BRWD1: variants seen among roughly 807,000 people sequenced by gnomAD.
The protein encoded by BRWD1 is bromodomain and WD repeat-containing protein 1.
In BRWD1, 82 loss-of-function variants were observed where a neutral mutation model predicts 251.2. The observed-to-expected ratio is 0.33, with a 90% confidence interval of 0.27 to 0.39. BRWD1 has a LOEUF of 0.39. Among genes scored for constraint, BRWD1 ranks in the 10% least tolerant of loss-of-function variants. The pLI, the probability that BRWD1 is intolerant of heterozygous loss-of-function variation, is 1.00. For synonymous variants in BRWD1, 918 were observed against 902.8 expected (o/e 1.02, Z -0.30); for missense variants, 2,233 against 2,711.6 (o/e 0.82, Z 3.92).
At position 39,192,050 on chromosome 21, in the gene BRWD1, A is replaced by C; in HGVS notation, c.*4209T>G. ...TCCCCCTCCCTCCATCAAATCTAGA[A>C]AAGCAATTCTTGAGCAGACACCAAT... On this transcript the variant is annotated 3_prime_UTR_variant, in exon 41 of 41. Coordinates refer to ENST00000342449, the MANE Select transcript of BRWD1 (RefSeq NM_033656.4). 3.0e-6 allele frequency: 3 copies of C among 985,160 alleles called. No homozygotes were observed. Among genetic ancestry groups the C allele is most frequent in the Middle Eastern group, 1.0e-3 (2 of 1,912 alleles). 61.0% of individuals were successfully genotyped at this position (985,160 alleles called of 1,614,324 possible).
At chr21:39,265,672 C>T (rs1290946256) in intron 15 of BRWD1, among the ~76,000 whole-genome samples, 1 of 152,078 alleles carries the variant, frequency 6.6e-6, no homozygotes, top group African/African-American at 2.4e-5. Flanking sequence ...TAATAAGCTA[C>T]AAGATAAATG....
At chr21:39,296,072 T>C (rs1047917433) in intron 6 of BRWD1, among the ~76,000 whole-genome samples, 169 bp from the exon 7 acceptor site, 2 of 152,192 alleles carry the variant, frequency 1.3e-5, no homozygotes, top group Admixed American at 6.5e-5. Flanking sequence ...ATAGACTTCT[T>C]ACTATAAAAA....
At chr21:39,259,450 C>T (rs554893151) in intron 17 of BRWD1, among the ~76,000 whole-genome samples, 2 of 147,902 alleles carry the variant, frequency 1.4e-5, no homozygotes, top group East Asian at 3.9e-4. Flanking sequence ...ACCACCATGC[C>T]CGGCTAATTT....
At chr21:39,297,031 T>A in intron 5 of BRWD1, 1 of 985,240 alleles carries the variant, frequency 1.0e-6, no homozygotes. Context: ...TCACAGAAAA[T>A]CCTCTACTGA....
chr21:39,314,101 C>A (rs778445054), upstream of BRWD1: 2 of 455,928 alleles, frequency 4.4e-6, no homozygotes, highest in South Asian at 1.5e-5. Context: ...GACCGGTCGT[C>A]TGGGGCCAGT....
At chr21:39,308,246 C>G (rs2036352807) in intron 4 of BRWD1, among the ~76,000 whole-genome samples, 1 of 152,068 alleles carries the variant, frequency 6.6e-6, no homozygotes, top group South Asian at 2.1e-4. Context: ...CTTTGGGAGG[C>G]CAATGCAGGT....
upstream of BRWD1, chr21:39,313,815 G>C: frequency 2.8e-6 from 1 of 360,236 alleles, no homozygotes; most frequent in South Asian, 2.7e-5. Context: ...CGGAGGCAAA[G>C]ACCTGGGCGC....
intron 20 of BRWD1, among the ~76,000 whole-genome samples, chr21:39,248,911 C>G (rs1379214182): frequency 6.6e-6 from 1 of 152,042 alleles, no homozygotes; most frequent in Non-Finnish European, 1.5e-5. Context: ...CATATATACA[C>G]CTATGTTCAC....
Position 39,189,818 on chromosome 21 carries a change from T to C in BRWD1, c.*6441A>G. The C allele has an allele frequency of 1.0e-6, 1 of 985,328 alleles. No homozygotes were observed. The highest frequency in any genetic ancestry group is 1.2e-6 in the Non-Finnish European group (1 of 829,880). The allele number at this position is 985,328 out of a possible 1,614,324, so 61.0% of individuals were successfully genotyped here. A position where few individuals can be genotyped will look rare whatever the true frequency, so the allele number is the denominator to read the frequency against. On this transcript the variant is annotated 3_prime_UTR_variant, in exon 41 of 41. Transcript: ENST00000342449. ...ATTTCAGGGTTAGAAGTCAAATTTG[T>C]GTGTTAGGGTACAAGCTTAAGAACT... is the stretch of plus-strand genomic sequence containing the variant.
intron 15 of BRWD1, among the ~76,000 whole-genome samples, chr21:39,269,243 A>G (rs2035026297): frequency 6.7e-6 from 1 of 148,174 alleles, no homozygotes; most frequent in African/African-American, 2.5e-5. Flanking sequence ...ACATATGCAA[A>G]AAAAAAAATT....
intron 36 of BRWD1, among the ~76,000 whole-genome samples, chr21:39,209,110 C>G (rs932245733): frequency 5.3e-5 from 8 of 152,050 alleles, no homozygotes; most frequent in Non-Finnish European, 1.2e-4. Context: ...AAAGAATGAG[C>G]CTGCTGACAT....
chr21:39,234,334 G>T (rs1195634989), intron 23 of BRWD1, among the ~76,000 whole-genome samples: 1 of 152,056 alleles, frequency 6.6e-6, no homozygotes, highest in Admixed American at 6.6e-5. Flanking sequence ...CTTAATGGAG[G>T]GATGGGATTT....
chr21:39,269,640 T>A (rs1226506808), intron 15 of BRWD1, among the ~76,000 whole-genome samples: 1 of 152,226 alleles, frequency 6.6e-6, no homozygotes, highest in African/African-American at 2.4e-5. Context: ...GCCATACTTT[T>A]ACCAGTTTAA....
At position 39,191,909 on chromosome 21, in the gene BRWD1, T is replaced by A; in HGVS notation, c.*4350A>T. 2 of 983,146 alleles carry A rather than the reference T, an allele frequency of 2.0e-6. No individual in the cohort carries two copies. The highest frequency in any genetic ancestry group is 2.4e-6 in the Non-Finnish European group (2 of 827,944). 60.9% of individuals were successfully genotyped at this position (983,146 alleles called of 1,614,324 possible). ...ACCAGAAAGTATACCATAGCATTGA[T>A]AATTAAATTCAAACTATTGGTCTTG... On this transcript the variant is annotated 3_prime_UTR_variant, in exon 41 of 41. Transcript: ENST00000342449.
At chr21:39,198,367 ATC>A (rs1263449799) in intron 40 of BRWD1, among the ~76,000 whole-genome samples, 6 of 152,176 alleles carry the variant, frequency 3.9e-5, no homozygotes, top group Admixed American at 3.3e-4. Context: ...TATTACTAAC[ATC>A]TCTTTTTATT....
chr21:39,291,005 C>T (rs976619956), intron 8 of BRWD1, among the ~76,000 whole-genome samples: 10 of 152,086 alleles, frequency 6.6e-5, no homozygotes, highest in African/African-American at 2.2e-4. Context: ...AAGCACACAC[C>T]TGTGGCCCTA....
chr21:39,192,652 A>G lies in BRWD1; in HGVS notation c.*3607T>C, dbSNP rs1568848067. The stretch of plus-strand genomic sequence containing the variant: ...ATATATCAACTTACTATTCATGAAA[A>G]GAATGGAGCTGGTTATTTCAGCTTT... On this transcript the variant is annotated 3_prime_UTR_variant, in exon 41 of 41. Transcript: ENST00000342449. The G allele has an allele frequency of 1.0e-6, 1 of 984,996 alleles. No individual in the cohort carries two copies. Among genetic ancestry groups the G allele is most frequent in the Non-Finnish European group, 1.2e-6 (1 of 829,668 alleles). 61.0% of individuals were successfully genotyped at this position (984,996 alleles called of 1,614,324 possible).
chr21:39,298,790 CA>C (rs1302567416), intron 4 of BRWD1, among the ~76,000 whole-genome samples: 2 of 152,216 alleles, frequency 1.3e-5, no homozygotes, highest in Non-Finnish European at 2.9e-5. Flanking sequence ...ACTTCAGCAA[CA>C]TTTTTTTTTG....
chr21:39,220,142 C>T (rs2033117358), intron 29 of BRWD1, among the ~76,000 whole-genome samples: 1 of 151,994 alleles, frequency 6.6e-6, no homozygotes, highest in Non-Finnish European at 1.5e-5. Flanking sequence ...GTGGGTGTGT[C>T]TGTTTTAATG....
Sources: gnomAD v4.1 joint callset for allele counts (sites outside exome capture counted in the v4.1 genomes callset) on GRCh38, gnomAD v4.1.1 for gene constraint, MANE v1.5 for transcripts, NCBI Gene and HGNC (gene_info 2026-07-23, HGNC 2026-07-21) for gene names.